The following GALNT7 variants were observed in gnomAD, a reference collection of about 807,000 sequenced individuals.
GALNT7 encodes polypeptide N-acetylgalactosaminyltransferase 7, also known as N-acetylgalactosaminyltransferase 7.
In GALNT7, 60 loss-of-function variants were observed where a neutral mutation model predicts 82.1. The ratio of observed to expected loss-of-function variants is 0.73; its 90% CI spans 0.59 to 0.91. The LOEUF (loss-of-function observed/expected upper bound fraction) is 0.91, where lower values mean the gene tolerates loss of function less well. GALNT7 is among the 40% of genes least tolerant of loss of function. The probability of loss-of-function intolerance (pLI) is 0.00; values close to 1 mark genes in which losing one functional copy is unlikely to be tolerated. For synonymous variants in GALNT7, 243 were observed against 275.1 expected, an observed-to-expected ratio of 0.88 and a Z score of 1.15; for missense variants, 660 against 804.2, an observed-to-expected ratio of 0.82 and a Z score of 2.17.
In GALNT7 at chr4:173,229,303, A is replaced by G. The variant is rs534820261; in HGVS notation, c.127-18677A>G. On this transcript the variant is annotated intron_variant, in intron 1 of 11. Coordinates refer to ENST00000265000, the MANE Select transcript of GALNT7 (RefSeq NM_017423.3). ...ACAGTAGCCTTTCCTGAGCTGCTTT[A>G]TTATGAATTCTAGTTAGTAGTATTT... Among the ~76,000 whole-genome samples, 301 of 152,292 alleles carry G rather than the reference A, an allele frequency of 2.0e-3. 1 individual carries two copies. Among genetic ancestry groups the G allele is most frequent in the Middle Eastern group, 6.8e-3 (2 of 294 alleles).
chr4:173,235,598 C>A (rs1179260731), intron 1 of GALNT7, among the ~76,000 whole-genome samples: 1 of 149,502 alleles, frequency 6.7e-6, no homozygotes, highest in Admixed American at 6.7e-5. Flanking sequence ...CTCTGTTGTC[C>A]AGGCTGGAGT....
intron 1 of GALNT7, among the ~76,000 whole-genome samples, chr4:173,173,243 CT>C (rs749088078): frequency 3.7e-3 from 519 of 140,420 alleles, no homozygotes; most frequent in East Asian, 4.1e-3. Flanking sequence ...TTATGGGAAG[CT>C]TTTTTTTTTT....
At position 173,298,283 on chromosome 4, in the gene GALNT7, A is replaced by G. The variant is rs764933081; in HGVS notation, c.1134A>G (p.Lys378=). Residue 378 remains lysine (K), a synonymous_variant, in exon 6 of 12, where the codon AAA becomes AAG. Coordinates refer to ENST00000265000, the MANE Select transcript of GALNT7 (RefSeq NM_017423.3). ...TPQEKRLRKT[K]TEPYRSPAMA... is the part of the protein sequence containing the mutation. ...AAGAGAAGAGACTGAGAAAGACAAA[A>G]ACTGAACCGTATCGGTAATCACTAA... is the stretch of plus-strand genomic sequence containing the variant. 4 of 1,571,148 alleles carry G rather than the reference A, an allele frequency of 2.5e-6. No individual in the cohort carries two copies. The South Asian group carries it at 4.8e-5, about 19-fold the overall frequency.
chr4:173,222,688 CTTA>C, intron 1 of GALNT7, among the ~76,000 whole-genome samples: 1 of 152,254 alleles, frequency 6.6e-6, no homozygotes, highest in South Asian at 2.1e-4. Flanking sequence ...ATATTGGACA[CTTA>C]TTATTATCCC....
At chr4:173,181,554 CTCT>C (rs1732247039) in intron 1 of GALNT7, among the ~76,000 whole-genome samples, 2 of 152,052 alleles carry the variant, frequency 1.3e-5, no homozygotes, top group Admixed American at 1.3e-4. Context: ...AACTCTATTC[CTCT>C]TCTTATAGCT....
intron 11 of GALNT7, 131 bp from the exon 12 acceptor site, chr4:173,321,449 A>G (rs997685979): frequency 6.2e-6 from 4 of 648,286 alleles, no homozygotes; most frequent in African/African-American, 5.5e-5. Flanking sequence ...GAGAAATCCA[A>G]AGTCTGAGGT....
At position 173,244,984 on chromosome 4, in the gene GALNT7, G is replaced by A. The variant is rs114639895; in HGVS notation, c.127-2996G>A. On this transcript the variant is annotated intron_variant, in intron 1 of 11. Coordinates refer to ENST00000265000, the MANE Select transcript of GALNT7 (RefSeq NM_017423.3). ...TCAGTTTTTGGTATGTTAAATTTAG[G>A]TACTAGAGAGATATGAATAGAAATG... Among the ~76,000 whole-genome samples the A allele has an allele frequency of 5.3e-3, 805 of 152,186 alleles. 10 individuals are homozygous for A. Among genetic ancestry groups the A allele is most frequent in the African/African-American group, 0.019 (777 of 41,510 alleles).
chr4:173,264,777 A>C (rs528072504), intron 2 of GALNT7, among the ~76,000 whole-genome samples: 1 of 152,332 alleles, frequency 6.6e-6, no homozygotes, highest in South Asian at 2.1e-4. Context: ...AAAGCTGAAT[A>C]GAACCAGCCA....
At chr4:173,235,208 G>A (rs1479030684) in intron 1 of GALNT7, among the ~76,000 whole-genome samples, 1 of 152,114 alleles carries the variant, frequency 6.6e-6, no homozygotes, top group Non-Finnish European at 1.5e-5. Flanking sequence ...TCAGCCAGGG[G>A]ATTGTTTTCA....
chr4:173,283,500 CGTG>C (rs1286300958), intron 2 of GALNT7, among the ~76,000 whole-genome samples: 1 of 152,008 alleles, frequency 6.6e-6, no homozygotes, highest in African/African-American at 2.4e-5. Flanking sequence ...ATTAGCTGGG[CGTG>C]GTGGCAGGCA....
chr4:173,186,086 A>C (rs937282349), intron 1 of GALNT7, among the ~76,000 whole-genome samples: 1 of 152,246 alleles, frequency 6.6e-6, no homozygotes, highest in African/African-American at 2.4e-5. Context: ...GTACAAGGTC[A>C]TGGCTTAAGC....
chr4:173,210,500 C>G (rs1733244306), intron 1 of GALNT7, among the ~76,000 whole-genome samples: 1 of 152,094 alleles, frequency 6.6e-6, no homozygotes, highest in South Asian at 2.1e-4. Context: ...GTCGCCCAGG[C>G]TGAAGTGAGA....
intron 2 of GALNT7, among the ~76,000 whole-genome samples, chr4:173,265,510 G>A (rs1735449259): frequency 6.6e-6 from 1 of 151,736 alleles, no homozygotes; most frequent in South Asian, 2.1e-4. Flanking sequence ...TTTGTGACAT[G>A]TTTAGCTCAC....
Position 173,313,987 on chromosome 4 carries a change from G to A in GALNT7, c.1419G>A (p.Trp473Ter). Reference protein sequence around the residue: ...KNYVRVVEVWWDEYKDYFYAS... With the variant: ...KNYVRVVEVW ...ATGTTAGAGTTGTGGAGGTTTGGTG[G>A]GATGAATATAAAGACTACTTCTATG... The change falls in exon 9 of 12, where the codon TGG becomes TGA. Residue 473 changes from tryptophan (W) to a stop codon, truncating the protein, a stop_gained. Transcript: ENST00000265000. LOFTEE classifies it high-confidence loss of function. The A allele has an allele frequency of 6.3e-7, 1 of 1,586,946 alleles. No homozygotes were observed. The highest frequency in any genetic ancestry group is 8.7e-7 in the Non-Finnish European group (1 of 1,155,942).
At position 173,225,049 on chromosome 4, in the gene GALNT7, A is replaced by AATT. The variant is rs1227824182; in HGVS notation, c.127-22928_127-22926dup. Among the ~76,000 whole-genome samples, 895 of 142,850 alleles carry AATT rather than the reference A, an allele frequency of 6.3e-3. 13 individuals carry two copies. Among genetic ancestry groups the AATT allele is most frequent in the African/African-American group, 0.022 (844 of 38,046 alleles). The allele number at this position is 142,850 out of a possible 152,430, so 93.7% of individuals were successfully genotyped here. A position where few individuals can be genotyped will look rare whatever the true frequency, so the allele number is the denominator to read the frequency against. Reference sequence around the variant, plus strand: ...TAATAATAATAATAATAATAATAATAATTATAATTATATCTGTGCCCACTT... The same window carrying AATT: ...TAATAATAATAATAATAATAATAATAATTATTATAATTATATCTGTGCCCACTT... On this transcript the variant is annotated intron_variant, in intron 1 of 11. Coordinates refer to ENST00000265000, the MANE Select transcript of GALNT7 (RefSeq NM_017423.3).
intron 5 of GALNT7, among the ~76,000 whole-genome samples, chr4:173,296,150 A>G (rs546207478): frequency 1.7e-3 from 254 of 152,180 alleles, no homozygotes; most frequent in African/African-American, 5.8e-3. Context: ...CTCCCTCTAA[A>G]CTGGGGTGAG....
At chr4:173,183,725 C>T (rs948169330) in intron 1 of GALNT7, among the ~76,000 whole-genome samples, 10 of 149,220 alleles carry the variant, frequency 6.7e-5, no homozygotes, top group Non-Finnish European at 1.2e-4. Context: ...GACGGGGCGG[C>T]GGCCGGGCGG....
At chr4:173,196,964 A>G (rs1400070315) in intron 1 of GALNT7, among the ~76,000 whole-genome samples, 1 of 151,786 alleles carries the variant, frequency 6.6e-6, no homozygotes, top group East Asian at 1.9e-4. Flanking sequence ...TTTAATGCAT[A>G]TAGAATTTGG....
chr4:173,263,122 A>G (rs1348101959), intron 2 of GALNT7, among the ~76,000 whole-genome samples: 1 of 152,180 alleles, frequency 6.6e-6, no homozygotes, highest in African/African-American at 2.4e-5. Context: ...TCATATGATC[A>G]GCAAAATAAT....
Sources: allele counts gnomAD v4.1 joint callset (sites outside exome capture counted in the v4.1 genomes callset), GRCh38; gene constraint gnomAD v4.1.1; transcripts MANE v1.5; gene names NCBI Gene and HGNC (gene_info 2026-07-23, HGNC 2026-07-21).